DNAH2: variants seen among roughly 807,000 people sequenced by gnomAD.
DNAH2 encodes dynein axonemal heavy chain 2.
DNAH2 carries 323 observed loss-of-function variants against 523.5 expected under a neutral mutation model. That is an observed-to-expected ratio of 0.62 (90% confidence interval 0.56 to 0.68). The LOEUF (loss-of-function observed/expected upper bound fraction) is 0.68. Among genes scored for constraint, DNAH2 ranks in the 30% least tolerant of loss-of-function variants. DNAH2 has a pLI of 0.00. For missense variants in DNAH2, 4,907 were observed against 5,701.5 expected, an observed-to-expected ratio of 0.86 and a Z score of 4.49; for synonymous variants, 2,093 against 2,177.4, an observed-to-expected ratio of 0.96 and a Z score of 1.08.
chr17:7,722,336 G>T (rs899502378), intron 2 of DNAH2, among the ~76,000 whole-genome samples: 2 of 152,106 alleles, frequency 1.3e-5, no homozygotes, highest in Non-Finnish European at 2.9e-5. Context: ...AATTGACAGA[G>T]AATTCACTGA....
intron 63 of DNAH2, among the ~76,000 whole-genome samples, chr17:7,809,400 T>A: frequency 6.6e-6 from 1 of 152,102 alleles, no homozygotes; most frequent in East Asian, 1.9e-4. Flanking sequence ...GCCTCTTCTG[T>A]GCAGGGAACT....
chr17:7,831,890 T>G lies in DNAH2; in HGVS notation c.12726+115T>G, dbSNP rs1415884520. ...AAGCAAACTGCAGAGAGCCGAAACT[T>G]TGAAGTTAGATAGGTTCAAGGTTAA... On this transcript the variant is annotated intron_variant, in intron 82 of 85. Coordinates refer to ENST00000572933, the MANE Select transcript of DNAH2 (RefSeq NM_020877.5). The surrounding 1 kb of genome is among the most constrained non-coding windows in gnomAD (Gnocchi z 4.2). The G allele has an allele frequency of 1.1e-6, 1 of 882,516 alleles. No individual in the cohort carries two copies. Among genetic ancestry groups the G allele is most frequent in the Non-Finnish European group, 1.7e-6 (1 of 585,856 alleles). The allele number at this position is 882,516 out of a possible 1,614,324, so 54.7% of individuals were successfully genotyped here.
At chr17:7,819,471 C>T in intron 72 of DNAH2, 63 bp downstream of exon 72, 1 of 1,587,336 alleles carries the variant, frequency 6.3e-7, no homozygotes, top group East Asian at 2.2e-5. Context: ...CTTCTGGCCA[C>T]TGCACCTTCG....
chr17:7,758,349 G>A (rs1254799358), intron 13 of DNAH2, 146 bp from the exon 14 acceptor site: 1 of 1,068,938 alleles, frequency 9.4e-7, no homozygotes. Flanking sequence ...ATTGCAAAAA[G>A]TTCTTTTGGA....
At chr17:7,737,535 G>A (rs2075177073) in intron 8 of DNAH2, among the ~76,000 whole-genome samples, 1 of 152,184 alleles carries the variant, frequency 6.6e-6, no homozygotes, top group Non-Finnish European at 1.5e-5. Flanking sequence ...GGAAGCAGCA[G>A]GAAGAACAGA....
chr17:7,797,928 C>T (rs2151286814), intron 53 of DNAH2, 99 bp downstream of exon 53: 1 of 1,486,842 alleles, frequency 6.7e-7, no homozygotes, highest in African/African-American at 1.4e-5. Context: ...AATCAAGTTC[C>T]AGAAGCTGCC....
rs767452673 is a variant in DNAH2, at chr17:7,766,284, C to T, written c.3512-34C>T. The T allele has an allele frequency of 1.5e-5, 24 of 1,599,998 alleles. No homozygotes were observed. In the African/African-American group the frequency reaches 2.1e-4, roughly 14 times the overall value. On this transcript the variant is annotated intron_variant, in intron 21 of 85. Transcript: ENST00000572933. ...CATGGCTGTCCTTGCCAGACGTGAG[C>T]GGGAAGCTGAGCTTCATCCTGAATC...
At chr17:7,725,060 T>C (rs2074752801) in intron 3 of DNAH2, among the ~76,000 whole-genome samples, 2 of 151,762 alleles carry the variant, frequency 1.3e-5, no homozygotes, top group African/African-American at 4.8e-5. Flanking sequence ...TATGATTTTG[T>C]ATTAAACCTT....
chr17:7,779,889 T>A (rs2076557379), intron 36 of DNAH2, among the ~76,000 whole-genome samples: 1 of 152,120 alleles, frequency 6.6e-6, no homozygotes, highest in South Asian at 2.1e-4. Context: ...ACACAGAACC[T>A]GGAGAGATGG....
chr17:7,798,971 T>A lies in DNAH2; in HGVS notation c.8560-132T>A. On this transcript the variant is annotated intron_variant, in intron 55 of 85. Transcript: ENST00000572933. This position sits in a 1 kb window ranked among gnomAD's most constrained non-coding sequence, Gnocchi z 5.5. ...TACTCGGGGGTGGGGGGTGCTGAAG[T>A]GGGAGGATGGTTTGAGGCCAGGAGT... 7.6e-7 allele frequency: 1 copy of A among 1,314,428 alleles called. No individual in the cohort carries two copies. Among genetic ancestry groups the A allele is most frequent in the Admixed American group, 2.2e-5 (1 of 45,444 alleles). The allele number at this position is 1,314,428 out of a possible 1,614,324, so 81.4% of individuals were successfully genotyped here. A position where few individuals can be genotyped will look rare whatever the true frequency, so the allele number is the denominator to read the frequency against.
At chr17:7,815,316 A>C (rs543240459) in intron 63 of DNAH2, among the ~76,000 whole-genome samples, 2 of 152,246 alleles carry the variant, frequency 1.3e-5, no homozygotes, top group African/African-American at 4.8e-5. Context: ...TCTACTTTCT[A>C]GTAGTGGAAC....
chr17:7,813,254 GT>G (rs545699697), intron 63 of DNAH2, among the ~76,000 whole-genome samples: 91 of 145,124 alleles, frequency 6.3e-4, no homozygotes, highest in South Asian at 8.7e-4. Context: ...TCTTTTGTAG[GT>G]TTTTTTTTTT....
In DNAH2 at chr17:7,816,665, A is replaced by G; in HGVS notation, c.9824A>G (p.Lys3275Arg). ...LRKKSEEMEL[K>R]LERAGMLVSG... ...AAGAAGTCTGAAGAGATGGAGCTGA[A>G]GCTGGAGCGAGCTGGGATGCTCGTG... Residue 3275 changes from lysine (K) to arginine (R), a missense_variant, in exon 64 of 86, where the codon AAG becomes AGG. This residue lies in a region of DNAH2 where 1,851 missense variants were observed against 2,139.4 expected (regional missense o/e 0.87). Transcript: ENST00000572933. 1 of 1,614,230 alleles carries G rather than the reference A, an allele frequency of 6.2e-7. No individual in the cohort carries two copies. Among genetic ancestry groups the G allele is most frequent in the South Asian group, 1.1e-5 (1 of 91,090 alleles).
intron 3 of DNAH2, 129 bp downstream of exon 3, chr17:7,723,818 C>T (rs1597451474): frequency 1.2e-6 from 1 of 822,592 alleles, no homozygotes; most frequent in East Asian, 2.7e-5. Flanking sequence ...CTGCTGTTAG[C>T]CTACTCACCA....
intron 33 of DNAH2, 148 bp downstream of exon 33, chr17:7,777,782 C>T (rs1410247201): frequency 3.8e-6 from 4 of 1,056,322 alleles, no homozygotes; most frequent in South Asian, 3.0e-5. Context: ...TCCATCTCCT[C>T]CCCACAATCA....
intron 65 of DNAH2, 40 bp from the exon 66 acceptor site, chr17:7,817,521 C>T: frequency 6.2e-7 from 1 of 1,613,684 alleles, no homozygotes; most frequent in Non-Finnish European, 8.5e-7. Context: ...CTGCTGGGCT[C>T]AGCTCTTCAA....
intron 12 of DNAH2, chr17:7,755,098 TG>T (rs1274402459): frequency 7.6e-5 from 15 of 198,382 alleles, no homozygotes; most frequent in Non-Finnish European, 3.0e-5. Flanking sequence ...CAGCTGGAAG[TG>T]GATGGAATTC....
Position 7,805,250 on chromosome 17 carries a change from A to G in DNAH2, c.9301-2A>G. The stretch of plus-strand genomic sequence containing the variant: ...CCCTCACTTTATCCCCTTTTCCCCC[A>G]GGCCCTGGAGTCTCTGAACAAGAAG... On this transcript the variant is annotated splice_acceptor_variant, in intron 60 of 85. Coordinates refer to ENST00000572933, the MANE Select transcript of DNAH2 (RefSeq NM_020877.5). LOFTEE classifies it high-confidence loss of function. 6.2e-7 allele frequency: 1 copy of G among 1,614,148 alleles called. No homozygotes were observed. Among genetic ancestry groups the G allele is most frequent in the South Asian group, 1.1e-5 (1 of 91,074 alleles).
chr17:7,793,575 T>A (rs145958426), intron 48 of DNAH2, among the ~76,000 whole-genome samples: 6 of 151,576 alleles, frequency 4.0e-5, no homozygotes, highest in Non-Finnish European at 8.8e-5. Context: ...TTCTTTCTTT[T>A]TTTCTTTCTT....
Sources: gnomAD v4.1 joint callset for allele counts (sites outside exome capture counted in the v4.1 genomes callset) on GRCh38, gnomAD v4.1.1 for gene constraint, gnomAD v4.1.1 regional missense constraint, Gnocchi (gnomAD v3.1) non-coding constraint, MANE v1.5 for transcripts, NCBI Gene and HGNC (gene_info 2026-07-23, HGNC 2026-07-21) for gene names.